GRM7: variants seen among roughly 807,000 people sequenced by gnomAD.
GRM7 encodes the protein glutamate metabotropic receptor 7.
In GRM7, 35 loss-of-function variants were observed where a neutral mutation model predicts 84.5. The ratio of observed to expected loss-of-function variants is 0.41; its 90% CI spans 0.32 to 0.55. GRM7 has a LOEUF of 0.55. Ranked by LOEUF, GRM7 falls within the 20% of genes least tolerant of loss-of-function variation. The pLI is 0.19. For missense variants in GRM7, 1,003 were observed against 1,194.6 expected (o/e 0.84, Z 2.36); for synonymous variants, 487 against 455.1 (o/e 1.07, Z -0.89).
At chr3:7,206,896 G>T (rs1216948212) in intron 2 of GRM7, among the ~76,000 whole-genome samples, 1 of 152,228 alleles carries the variant, frequency 6.6e-6, no homozygotes, top group East Asian at 1.9e-4. Flanking sequence ...GGTGTTGGGG[G>T]ATGCTTATGT....
intron 7 of GRM7, among the ~76,000 whole-genome samples, chr3:7,477,969 C>T (rs1346997516): frequency 6.6e-6 from 1 of 152,120 alleles, no homozygotes; most frequent in African/African-American, 2.4e-5. Context: ...TCTTCCTGCT[C>T]TTCCTGAAGA....
chr3:6,958,262 G>A (rs1305498118), intron 1 of GRM7, among the ~76,000 whole-genome samples: 1 of 150,802 alleles, frequency 6.6e-6, no homozygotes, highest in Admixed American at 6.6e-5. Flanking sequence ...GGAAGAGTCT[G>A]GTTTATTTTA....
chr3:7,194,700 C>T (rs1368814704), intron 2 of GRM7, among the ~76,000 whole-genome samples: 1 of 152,088 alleles, frequency 6.6e-6, no homozygotes, highest in Admixed American at 6.6e-5. Context: ...AGTTACTTAA[C>T]CTCTTGATGA....
intron 8 of GRM7, among the ~76,000 whole-genome samples, chr3:7,582,820 C>A (rs1375079955): frequency 6.6e-6 from 1 of 152,132 alleles, no homozygotes; most frequent in African/African-American, 2.4e-5. Flanking sequence ...AGGAATTTAA[C>A]AAATTATTGC....
chr3:7,729,245 C>T (rs149328322), intron 9 of GRM7, among the ~76,000 whole-genome samples: 196 of 152,310 alleles, frequency 1.3e-3, no homozygotes, highest in Non-Finnish European at 2.3e-3. Flanking sequence ...ACCCAATGCA[C>T]GCATTTGCAG....
chr3:7,700,389 C>T (rs1701182264), intron 9 of GRM7, among the ~76,000 whole-genome samples: 1 of 152,170 alleles, frequency 6.6e-6, no homozygotes, highest in Non-Finnish European at 1.5e-5. Context: ...AAAGAAAATA[C>T]ATAACAGAGA....
At chr3:7,440,414 T>C (rs1380042481) in intron 5 of GRM7, among the ~76,000 whole-genome samples, 2 of 152,148 alleles carry the variant, frequency 1.3e-5, no homozygotes, top group Admixed American at 6.5e-5. Context: ...TATTTTTCCT[T>C]CCTATTTACA....
At chr3:7,321,954 GAATGGCCTCTGGCA>G (rs1700799825) in intron 4 of GRM7, among the ~76,000 whole-genome samples, 1 of 152,078 alleles carries the variant, frequency 6.6e-6, no homozygotes, top group Admixed American at 6.6e-5. Context: ...ACATCAGTGT[GAATGGCCTCTGGCA>G]AATTAGTGTG....
intron 8 of GRM7, among the ~76,000 whole-genome samples, chr3:7,638,213 C>G (rs969488737): frequency 2.0e-5 from 3 of 151,580 alleles, no homozygotes; most frequent in Non-Finnish European, 4.4e-5. Context: ...AAAGATTAAT[C>G]TGTCTTTGAA....
At chr3:7,099,532 T>C (rs1338159241) in intron 1 of GRM7, among the ~76,000 whole-genome samples, 2 of 147,806 alleles carry the variant, frequency 1.4e-5, no homozygotes, top group Non-Finnish European at 3.0e-5. Flanking sequence ...GTACACGCAT[T>C]ATACATGTAC....
intron 1 of GRM7, among the ~76,000 whole-genome samples, chr3:7,064,479 T>TATATATGTATATATATATATAC: frequency 1.0e-5 from 1 of 99,382 alleles, no homozygotes; most frequent in Non-Finnish European, 2.1e-5. Context: ...TATATATATA[T>TATATATGTATATATATATATAC]ACACACATAT....
intron 7 of GRM7, among the ~76,000 whole-genome samples, chr3:7,494,724 T>TATA (rs2124955441): frequency 6.6e-6 from 1 of 152,224 alleles, no homozygotes; most frequent in East Asian, 1.9e-4. Flanking sequence ...ATCTATACTC[T>TATA]TGAGCCCATC....
Position 7,277,022 on chromosome 3 carries a change from G to T in GRM7, c.737-21662G>T, listed in dbSNP as rs1006068054. On this transcript the variant is annotated intron_variant, in intron 2 of 9. Transcript: ENST00000357716. ...GTTAAAAGCAGTGTTGTAGCTGGTA[G>T]TTAATCCAGTCAAAGCAAGTGTTCT... 3.3e-5 allele frequency among the ~76,000 whole-genome samples: 5 copies of T among 152,090 alleles called. No individual in the cohort carries two copies. The South Asian group carries it at 1.0e-3, about 32-fold the overall frequency.
At chr3:7,112,077 A>ACACT (rs1692872421) in intron 1 of GRM7, among the ~76,000 whole-genome samples, 1 of 152,186 alleles carries the variant, frequency 6.6e-6, no homozygotes, top group Non-Finnish European at 1.5e-5. Context: ...AGAGCTGTTA[A>ACACT]CACTGCATGT....
intron 7 of GRM7, among the ~76,000 whole-genome samples, chr3:7,550,244 T>C (rs543314322): frequency 3.3e-5 from 5 of 150,408 alleles, no homozygotes; most frequent in Admixed American, 3.3e-4. Context: ...TTCTAGCCAC[T>C]TTCTCTCCTC....
At chr3:6,879,508 A>G (rs957900425) in intron 1 of GRM7, among the ~76,000 whole-genome samples, 1 of 152,206 alleles carries the variant, frequency 6.6e-6, no homozygotes, top group African/African-American at 2.4e-5. Flanking sequence ...ATACAGGGGT[A>G]AAATGTTGTC....
intron 7 of GRM7, among the ~76,000 whole-genome samples, chr3:7,481,083 T>A (rs962636813): frequency 1.3e-5 from 2 of 151,936 alleles, no homozygotes; most frequent in African/African-American, 4.8e-5. Flanking sequence ...ATTGGTTTTT[T>A]TTTTTTCTTT....
chr3:7,325,339 T>C (rs1700942103), intron 4 of GRM7, among the ~76,000 whole-genome samples: 1 of 152,226 alleles, frequency 6.6e-6, no homozygotes, highest in Non-Finnish European at 1.5e-5. Flanking sequence ...AAAGATTCTC[T>C]AGAGCAAAGC....
intron 7 of GRM7, among the ~76,000 whole-genome samples, chr3:7,474,105 ATAAAAAGTCAAATT>A (rs1306677054): frequency 6.6e-6 from 1 of 152,172 alleles, no homozygotes; most frequent in Admixed American, 6.5e-5. Context: ...TATGGCCATG[ATAAAAAGTCAAATT>A]TATCTGTCTT....
Sources: gnomAD v4.1 joint callset for allele counts (sites outside exome capture counted in the v4.1 genomes callset) on GRCh38, gnomAD v4.1.1 for gene constraint, MANE v1.5 for transcripts, NCBI Gene and HGNC (gene_info 2026-07-23, HGNC 2026-07-21) for gene names.